The following TENM1 variants were observed in gnomAD, a reference collection of about 807,000 sequenced individuals.
TENM1 encodes teneurin transmembrane protein 1.
A neutral mutation model predicts 174.8 loss-of-function variants in TENM1; 35 were observed. That is an observed-to-expected ratio of 0.20 (90% CI 0.15 to 0.27). The LOEUF (loss-of-function observed/expected upper bound fraction) is 0.27, where lower values mean the gene tolerates loss of function less well. Ranked by LOEUF, TENM1 falls within the 10% of genes least tolerant of loss-of-function variation. The pLI is 1.00. For synonymous variants in TENM1, 781 were observed against 798.7 expected (o/e 0.98, Z 0.37); for missense variants, 1,633 against 2,130.1 (o/e 0.77, Z 4.59).
intron 4 of TENM1, among the ~76,000 whole-genome samples, chrX:124,717,844 C>T (rs191868866): frequency 6.2e-5 from 7 of 112,236 alleles, no homozygotes; most frequent in African/African-American, 2.3e-4. Flanking sequence ...CCCCATTCCA[C>T]AGACATCTGA....
At chrX:124,835,347 C>T (rs1459977201) in intron 3 of TENM1, among the ~76,000 whole-genome samples, 1 of 111,863 alleles carries the variant, frequency 8.9e-6, no homozygotes, top group South Asian at 3.8e-4. Context: ...ATAAAAAGTA[C>T]ATTTGGGGCT....
At chrX:125,092,777 T>C in the TENM1 span, among the ~76,000 whole-genome samples, 1 of 112,385 alleles carries the variant, frequency 8.9e-6, no homozygotes, top group Non-Finnish European at 1.9e-5. Context: ...CAGAACATTC[T>C]TTATGATTCA....
At chrX:125,189,463 A>G in the TENM1 span, among the ~76,000 whole-genome samples, 3 of 112,283 alleles carry the variant, frequency 2.7e-5, no homozygotes, top group Non-Finnish European at 3.8e-5. Context: ...CTATTAAACA[A>G]AGGTTACAAA....
intron 3 of TENM1, among the ~76,000 whole-genome samples, chrX:124,855,904 G>A (rs1322630242): frequency 9.0e-6 from 1 of 111,504 alleles, no homozygotes; most frequent in Non-Finnish European, 1.9e-5. Context: ...ACTTGTATGT[G>A]TTTGTGGAGA....
At chrX:124,781,434 A>G (rs2054909535) in intron 3 of TENM1, among the ~76,000 whole-genome samples, 2 of 111,724 alleles carry the variant, frequency 1.8e-5, no homozygotes, top group South Asian at 7.5e-4. Context: ...CTCTCTCCTC[A>G]GATAGATTAA....
intron 11 of TENM1, among the ~76,000 whole-genome samples, chrX:124,583,315 C>T (rs1354572386): frequency 9.0e-6 from 1 of 111,303 alleles, no homozygotes; most frequent in Non-Finnish European, 1.9e-5. Flanking sequence ...TCTCACACGG[C>T]CGGGTACTCC....
chrX:124,805,590 G>GAT (rs1436674692), intron 3 of TENM1, among the ~76,000 whole-genome samples: 1 of 112,814 alleles, frequency 8.9e-6, no homozygotes, highest in East Asian at 2.8e-4. Context: ...GTCCCTGCTG[G>GAT]ATATCTACAG....
intron 11 of TENM1, among the ~76,000 whole-genome samples, chrX:124,572,776 C>A (rs1442598952): frequency 9.1e-6 from 1 of 110,358 alleles, no homozygotes; most frequent in African/African-American, 3.3e-5. Context: ...TAAAAGGTTC[C>A]ATTAAAAATA....
intron 22 of TENM1, among the ~76,000 whole-genome samples, chrX:124,477,018 C>G (rs1469951971): frequency 8.9e-6 from 1 of 112,382 alleles, no homozygotes. Context: ...GTGCATAAAA[C>G]TGGATCAGAT....
rs200780576 is a variant in TENM1 at position 124,705,017 on chromosome X, C to T, written c.1011G>A (p.Val337=). 3 of 1,195,588 alleles carry T rather than the reference C, an allele frequency of 2.5e-6. No individual in the cohort carries two copies. In the African/African-American group the frequency reaches 5.3e-5, roughly 21 times the overall value. ...GGCATGACAAAAAGGACTTACCAATCACATAGGCTAGTAACAAGGCCAAAG... is the reference window on the plus strand; with the variant it reads ...GGCATGACAAAAAGGACTTACCAATTACATAGGCTAGTAACAAGGCCAAAG... Residue 337 remains valine (V), a synonymous_variant, in exon 5 of 32, where the codon GTG becomes GTA. Coordinates refer to ENST00000422452, the Ensembl canonical transcript of TENM1.
chrX:125,158,909 G>A, the TENM1 span, among the ~76,000 whole-genome samples: 1 of 109,757 alleles, frequency 9.1e-6, no homozygotes, highest in African/African-American at 3.4e-5. Flanking sequence ...GGAAATGGTG[G>A]TTGGCTAGGC....
At chrX:124,529,581 A>T (rs1030630344) in intron 16 of TENM1, among the ~76,000 whole-genome samples, 25 of 112,089 alleles carry the variant, frequency 2.2e-4, no homozygotes, top group Non-Finnish European at 9.4e-5. Flanking sequence ...TATCATTTGC[A>T]TAATGTCACT....
At chrX:124,528,128 T>G (rs985362698) in intron 16 of TENM1, among the ~76,000 whole-genome samples, 6 of 109,632 alleles carry the variant, frequency 5.5e-5, no homozygotes, top group Non-Finnish European at 3.8e-5. Context: ...TTTTGAATGT[T>G]TACACCTTTA....
intron 3 of TENM1, among the ~76,000 whole-genome samples, chrX:124,758,211 T>TA (rs1209524020): frequency 1.8e-5 from 2 of 111,428 alleles, no homozygotes; most frequent in African/African-American, 3.3e-5. Flanking sequence ...ACAACTTGAT[T>TA]AAAAAATGGG....
intron 5 of TENM1, among the ~76,000 whole-genome samples, chrX:124,681,424 T>C (rs2052230466): frequency 8.9e-6 from 1 of 112,014 alleles, no homozygotes; most frequent in Non-Finnish European, 1.9e-5. Context: ...AAAGAGTCAC[T>C]AATGTATTAT....
chrX:125,115,740 G>C, the TENM1 span, among the ~76,000 whole-genome samples: 7 of 110,561 alleles, frequency 6.3e-5, no homozygotes, highest in Non-Finnish European at 3.8e-5. Flanking sequence ...AATAAGAGAG[G>C]ACACAAAGAA....
intron 11 of TENM1, among the ~76,000 whole-genome samples, chrX:124,609,736 C>A (rs182283484): frequency 2.5e-4 from 28 of 111,434 alleles, no homozygotes; most frequent in African/African-American, 8.5e-4. Flanking sequence ...AGGGTTGAGA[C>A]TAGAAGAAAT....
At chrX:124,884,441 C>T (rs1339042902) in intron 3 of TENM1, among the ~76,000 whole-genome samples, 1 of 110,982 alleles carries the variant, frequency 9.0e-6, no homozygotes, top group African/African-American at 3.3e-5. Context: ...GTCACATAAT[C>T]TCCAGGCATA....
the TENM1 span, among the ~76,000 whole-genome samples, chrX:125,100,900 G>A: frequency 9.0e-6 from 1 of 111,468 alleles, no homozygotes; most frequent in Non-Finnish European, 1.9e-5. Flanking sequence ...TCACAGATAA[G>A]GAAATTAAGA....
Sources: gnomAD v4.1 joint callset for allele counts (sites outside exome capture counted in the v4.1 genomes callset) on GRCh38, gnomAD v4.1.1 for gene constraint, MANE v1.5 for transcripts, NCBI Gene and HGNC (gene_info 2026-07-23, HGNC 2026-07-21) for gene names.